Variants in CREB3L2 observed in about 807,000 individuals in gnomAD.
The protein encoded by CREB3L2 is cyclic AMP-responsive element-binding protein 3-like protein 2.
Under a neutral mutation model 57.2 loss-of-function variants are expected in CREB3L2, and 23 were observed. The observed-to-expected ratio is 0.40, with a 90% CI of 0.29 to 0.57. The LOEUF is 0.57. Ranked by LOEUF, CREB3L2 falls within the 20% of genes least tolerant of loss-of-function variation. CREB3L2 has a pLI of 0.42. For synonymous variants in CREB3L2, 268 were observed against 265.1 expected (o/e 1.01, Z -0.11); for missense variants, 628 against 634.7 (o/e 0.99, Z 0.11).
chr7:137,958,542 G>C (rs747438853), intron 1 of CREB3L2, among the ~76,000 whole-genome samples: 2 of 152,182 alleles, frequency 1.3e-5, no homozygotes, highest in Admixed American at 6.5e-5. Flanking sequence ...ATCCTTGGCT[G>C]CTTCAAACAA....
intron 8 of CREB3L2, among the ~76,000 whole-genome samples, chr7:137,890,854 C>T (rs1473274784): frequency 6.6e-6 from 1 of 152,142 alleles, no homozygotes; most frequent in East Asian, 1.9e-4. Context: ...AAAAGACAGC[C>T]AGCAGATGAA....
At chr7:137,965,291 G>A (rs1018706386) in intron 1 of CREB3L2, among the ~76,000 whole-genome samples, 2 of 152,128 alleles carry the variant, frequency 1.3e-5, no homozygotes, top group African/African-American at 2.4e-5. Context: ...GTCTCCTTCT[G>A]TCTTTCCAAC....
At chr7:137,924,658 GTT>G (rs971924524) in intron 2 of CREB3L2, among the ~76,000 whole-genome samples, 2 of 150,448 alleles carry the variant, frequency 1.3e-5, no homozygotes, top group African/African-American at 4.9e-5. Context: ...TTTTTTTGGT[GTT>G]TTCTTGTTGT....
chr7:137,930,535 G>C (rs570039422), intron 1 of CREB3L2, among the ~76,000 whole-genome samples: 2 of 152,356 alleles, frequency 1.3e-5, no homozygotes, highest in African/African-American at 4.8e-5. Flanking sequence ...GGTAGTTGTA[G>C]AACAGGATGC....
chr7:137,936,897 A>T (rs59870652), intron 1 of CREB3L2, among the ~76,000 whole-genome samples: 2,204 of 152,316 alleles, frequency 0.014, 61 homozygotes, highest in African/African-American at 0.051. Context: ...GAAAAGGAGG[A>T]CAGAGAACAC....
At chr7:137,916,464 C>T (rs944624330) in intron 2 of CREB3L2, among the ~76,000 whole-genome samples, 1 of 152,064 alleles carries the variant, frequency 6.6e-6, no homozygotes, top group African/African-American at 2.4e-5. Flanking sequence ...GCAAGTAATC[C>T]CAGCACTTTG....
rs1318268164 is a variant in CREB3L2 at position 137,876,385 on chromosome 7, G to T, written c.*4091C>A. 4.3e-6 allele frequency: 1 copy of T among 231,148 alleles called. No homozygotes were observed. Among genetic ancestry groups the T allele is most frequent in the Non-Finnish European group, 8.5e-6 (1 of 117,358 alleles). The allele number at this position is 231,148 out of a possible 1,614,324, so 14.3% of individuals were successfully genotyped here. The stretch of plus-strand genomic sequence containing the variant: ...GTGTGTGTGTCAGAGAGAGAAGAAG[G>T]GAGAGAGAAGTATAAGCATTTGGGT... On this transcript the variant is annotated 3_prime_UTR_variant, in exon 12 of 12. Transcript: ENST00000330387.
chr7:137,884,646 G>T, intron 10 of CREB3L2: 1 of 568,292 alleles, frequency 1.8e-6, no homozygotes, highest in Non-Finnish European at 3.1e-6. Flanking sequence ...CAGAAACACA[G>T]CAGTTCTCTT....
chr7:137,994,175 T>C (rs925952584), intron 1 of CREB3L2, among the ~76,000 whole-genome samples: 12 of 152,190 alleles, frequency 7.9e-5, no homozygotes, highest in Admixed American at 2.6e-4. Flanking sequence ...CCTGCAACCA[T>C]AGGCCTCAAT....
chr7:137,896,489 T>C (rs1223139241), intron 8 of CREB3L2, among the ~76,000 whole-genome samples: 1 of 152,102 alleles, frequency 6.6e-6, no homozygotes, highest in Non-Finnish European at 1.5e-5. Context: ...TTAGTAGATA[T>C]GGGGTTTCTC....
chr7:137,884,834 G>A (rs765497919), intron 10 of CREB3L2, 161 bp downstream of exon 10: 5 of 949,826 alleles, frequency 5.3e-6, no homozygotes, highest in Non-Finnish European at 8.4e-6. Flanking sequence ...TGGATGAGGG[G>A]CCCCAGGGGA....
chr7:137,937,740 G>A (rs1399623778), intron 1 of CREB3L2, among the ~76,000 whole-genome samples: 1 of 151,840 alleles, frequency 6.6e-6, no homozygotes, highest in Non-Finnish European at 1.5e-5. Context: ...ATTTTGGGGA[G>A]GGTGTTTTGT....
chr7:138,001,755 C>T lies in CREB3L2; in HGVS notation c.-50G>A. 7.3e-7 allele frequency: 1 copy of T among 1,361,968 alleles called. No individual in the cohort carries two copies. 84.4% of individuals were successfully genotyped at this position (1,361,968 alleles called of 1,614,324 possible). A position where few individuals can be genotyped will look rare whatever the true frequency, so the allele number is the denominator to read the frequency against. ...AGGATGCTAAGCGCAGGAGGGGACG[C>T]GCAGAGCTGCCTCGGACCGGCAAGG... On this transcript the variant is annotated 5_prime_UTR_variant, in exon 1 of 12. Coordinates refer to ENST00000330387, the MANE Select transcript of CREB3L2 (RefSeq NM_194071.4). The surrounding 1 kb of genome is among the most constrained non-coding windows in gnomAD (Gnocchi z 4.2).
At chr7:137,943,637 G>A (rs1437799308) in intron 1 of CREB3L2, among the ~76,000 whole-genome samples, 4 of 152,072 alleles carry the variant, frequency 2.6e-5, no homozygotes, top group Admixed American at 6.5e-5. Flanking sequence ...AGGAAGCCTA[G>A]AAAAAAATTC....
intron 1 of CREB3L2, among the ~76,000 whole-genome samples, chr7:137,954,763 T>C (rs1450414838): frequency 1.3e-5 from 2 of 152,094 alleles, no homozygotes; most frequent in African/African-American, 4.8e-5. Flanking sequence ...GGCTAGAAAG[T>C]AGGAAGACCA....
chr7:137,996,868 C>G (rs956936955), intron 1 of CREB3L2, among the ~76,000 whole-genome samples: 2 of 152,216 alleles, frequency 1.3e-5, no homozygotes, highest in Admixed American at 1.3e-4. Context: ...AGCAGAACTT[C>G]TGTTGTTACT....
At chr7:137,888,768 T>C (rs1209255653) in intron 8 of CREB3L2, among the ~76,000 whole-genome samples, 1 of 152,014 alleles carries the variant, frequency 6.6e-6, no homozygotes, top group Non-Finnish European at 1.5e-5. Context: ...AAGAGCTACT[T>C]CTGTAAGTGA....
At chr7:137,966,539 AT>A (rs1460028513) in intron 1 of CREB3L2, among the ~76,000 whole-genome samples, 9 of 152,236 alleles carry the variant, frequency 5.9e-5, no homozygotes, top group Non-Finnish European at 1.2e-4. Context: ...AATCTTTTGG[AT>A]AAAAGAAGAA....
intron 1 of CREB3L2, 130 bp from the exon 2 acceptor site, chr7:137,928,496 C>A: frequency 1.3e-6 from 1 of 749,162 alleles, no homozygotes; most frequent in Non-Finnish European, 2.3e-6. Flanking sequence ...GTCCAGTTAG[C>A]TCGTGCTGTG....
Sources: gnomAD v4.1 joint callset for allele counts (sites outside exome capture counted in the v4.1 genomes callset) on GRCh38, gnomAD v4.1.1 for gene constraint, Gnocchi (gnomAD v3.1) non-coding constraint, MANE v1.5 for transcripts, NCBI Gene and HGNC (gene_info 2026-07-23, HGNC 2026-07-21) for gene names.